The following LRRC46 variants were observed in gnomAD, a reference collection of about 807,000 sequenced individuals.
The protein encoded by LRRC46 is leucine rich repeat containing 46, also known as leucine-rich repeat-containing protein 46.
Under a neutral mutation model 28.0 loss-of-function variants are expected in LRRC46, and 20 were observed. The ratio of observed to expected loss-of-function variants is 0.71; its 90% confidence interval spans 0.50 to 1.04. The LOEUF (loss-of-function observed/expected upper bound fraction) is 1.04, where lower values mean the gene tolerates loss of function less well. Ranked by LOEUF, LRRC46 falls within the 50% of genes least tolerant of loss-of-function variation. The pLI, the probability that LRRC46 is intolerant of heterozygous loss-of-function variation, is 0.00. For missense variants in LRRC46, 315 were observed against 390.1 expected, an observed-to-expected ratio of 0.81 and a Z score of 1.62; for synonymous variants, 156 against 158.8, an observed-to-expected ratio of 0.98 and a Z score of 0.13.
Position 47,837,236 on chromosome 17 carries a change from C to A in LRRC46, c.*116C>A. 7.3e-7 allele frequency: 1 copy of A among 1,375,916 alleles called. No individual in the cohort carries two copies. Among genetic ancestry groups the A allele is most frequent in the Non-Finnish European group, 9.8e-7 (1 of 1,021,438 alleles). 85.2% of individuals were successfully genotyped at this position (1,375,916 alleles called of 1,614,324 possible). ...AAAGTGTCTCTAGGCCCTGAGTATG[C>A]TTTTCATGTCACTTGGGGTATCTCA... On this transcript the variant is annotated 3_prime_UTR_variant, in exon 8 of 8. Coordinates refer to ENST00000269025, the MANE Select transcript of LRRC46 (RefSeq NM_033413.4).
At position 47,831,862 on chromosome 17, in the gene LRRC46, C is replaced by T. The variant is rs1395615790; in HGVS notation, c.-128C>T. On this transcript the variant is annotated 5_prime_UTR_variant, in exon 1 of 8. Transcript: ENST00000269025. ...AATTTTCTCTGAATCAACCCCCTTT[C>T]CTCCTCTCCTAAGTCTCTGAGTTTC... 15 of 1,238,510 alleles carry T rather than the reference C, an allele frequency of 1.2e-5. No homozygotes were observed. Among genetic ancestry groups the T allele is most frequent in the Non-Finnish European group, 1.0e-5 (9 of 864,930 alleles). 76.7% of individuals were successfully genotyped at this position (1,238,510 alleles called of 1,614,324 possible).
At position 47,834,608 on chromosome 17, in the gene LRRC46, C is replaced by T. The variant is rs777236885; in HGVS notation, c.225+75C>T. On this transcript the variant is annotated intron_variant, in intron 3 of 7. Transcript: ENST00000269025. ...TCTGTCTCATCTGAAAGGAGCCAACCAGGTCATCCTGCCCATTCCCTGGTG... is the reference window on the plus strand; with the variant it reads ...TCTGTCTCATCTGAAAGGAGCCAACTAGGTCATCCTGCCCATTCCCTGGTG... The T allele has an allele frequency of 8.5e-6, 8 of 943,490 alleles. No homozygotes were observed. The African/African-American group carries it at 1.1e-4, about 13-fold the overall frequency. The allele number at this position is 943,490 out of a possible 1,614,324, so 58.4% of individuals were successfully genotyped here. A position where few individuals can be genotyped will look rare whatever the true frequency, so the allele number is the denominator to read the frequency against.
Position 47,836,414 on chromosome 17 carries a change from G to A in LRRC46, c.534G>A (p.Glu178=), listed in dbSNP as rs1466293575. ...TGGAGCGCTGGATTTCGGATGAGGA[G>A]GATGAAGCCTCAAGCGATGAGGAGT... ...PVVERWISDE[E]DEASSDEEFP... Residue 178 remains glutamate (E), a synonymous_variant, in exon 7 of 8, where the codon GAG becomes GAA. Coordinates refer to ENST00000269025, the MANE Select transcript of LRRC46 (RefSeq NM_033413.4). The surrounding 1 kb of genome is among the most constrained non-coding windows in gnomAD (Gnocchi z 5.8). 1.2e-6 allele frequency: 2 copies of A among 1,614,128 alleles called. No homozygotes were observed. The highest frequency in any genetic ancestry group is 4.5e-5 in the East Asian group (2 of 44,882).
At chr17:47,834,104 C>T (rs2033666727) in intron 2 of LRRC46, 3 of 1,038,150 alleles carry the variant, frequency 2.9e-6, no homozygotes, top group South Asian at 4.2e-5. Context: ...CCTCCACCAT[C>T]CAAGCTGGCC....
At chr17:47,835,221 G>A (rs2033679130) in intron 3 of LRRC46, 132 bp from the exon 4 acceptor site, 1 of 906,174 alleles carries the variant, frequency 1.1e-6, no homozygotes. Flanking sequence ...TGTTCAAGGA[G>A]TGGGGTGATC....
chr17:47,833,137 A>G (rs2033653929), intron 2 of LRRC46, among the ~76,000 whole-genome samples: 1 of 152,066 alleles, frequency 6.6e-6, no homozygotes, highest in Non-Finnish European at 1.5e-5. Context: ...ATTAGCATGT[A>G]CTATTCCTTC....
At position 47,837,058 on chromosome 17, in the gene LRRC46, A is replaced by C. The variant is rs775246771; in HGVS notation, c.904A>C (p.Lys302Gln). The change falls in exon 8 of 8, where the codon AAG becomes CAG. Residue 302 changes from lysine (K) to glutamine (Q), a missense_variant. By Grantham distance (53) the Lys-to-Gln change is moderately conservative. Transcript: ENST00000269025. Reference sequence around the variant, plus strand: ...GGGGGCACGAGCAGCCACAGCCCCCAAGGCCTCTGTGGCTGAGGCCCCCAG... The same window carrying C: ...GGGGGCACGAGCAGCCACAGCCCCCCAGGCCTCTGTGGCTGAGGCCCCCAG... ...RKGARAATAP[K>Q]ASVAEAPSTT... The C allele has an allele frequency of 6.2e-7, 1 of 1,608,000 alleles. No homozygotes were observed. Among genetic ancestry groups the C allele is most frequent in the Non-Finnish European group, 8.5e-7 (1 of 1,178,546 alleles).
chr17:47,831,958 C>A lies in LRRC46; in HGVS notation c.-32C>A. 1 of 1,612,836 alleles carries A rather than the reference C, an allele frequency of 6.2e-7. No homozygotes were observed. The highest frequency in any genetic ancestry group is 2.0e-4 in the Middle Eastern group (1 of 5,022). On this transcript the variant is annotated 5_prime_UTR_variant, in exon 1 of 8. Coordinates refer to ENST00000269025, the MANE Select transcript of LRRC46 (RefSeq NM_033413.4). Reference sequence around the variant, plus strand: ...AAGACCTCTCTTTTCGTTCCTCTCCCGCCTCAGACCAGCAGCCTTTTATTT... The same window carrying A: ...AAGACCTCTCTTTTCGTTCCTCTCCAGCCTCAGACCAGCAGCCTTTTATTT...
chr17:47,837,420 G>A lies in LRRC46; in HGVS notation c.*300G>A, dbSNP rs2033713073. The A allele has an allele frequency of 1.1e-5, 5 of 441,524 alleles. No homozygotes were observed. Among genetic ancestry groups the A allele is most frequent in the Non-Finnish European group, 2.0e-5 (5 of 250,388 alleles). 27.4% of individuals were successfully genotyped at this position (441,524 alleles called of 1,614,324 possible). A position where few individuals can be genotyped will look rare whatever the true frequency, so the allele number is the denominator to read the frequency against. On this transcript the variant is annotated 3_prime_UTR_variant, in exon 8 of 8. Coordinates refer to ENST00000269025, the MANE Select transcript of LRRC46 (RefSeq NM_033413.4). ...TGGCTCCCACTTGGGCAGGAAGCGG[G>A]CACCACCTCATGGAAGAGGCATGCC...
rs2143612176 is a variant in LRRC46 at position 47,836,215 on chromosome 17, ACCT to A, written c.453-114_453-112del. Reference sequence around the variant, plus strand: ...TCCTGTCCATGACACCTTCTCCCCCACCTCCTACCTAGCTCATGAGCCACCACC... The same window carrying A: ...TCCTGTCCATGACACCTTCTCCCCCACCTACCTAGCTCATGAGCCACCACC... On this transcript the variant is annotated intron_variant, in intron 6 of 7. Transcript: ENST00000269025. This position sits in a 1 kb window ranked among gnomAD's most constrained non-coding sequence, Gnocchi z 5.8. 1.9e-6 allele frequency: 3 copies of A among 1,571,262 alleles called. No homozygotes were observed. The highest frequency in any genetic ancestry group is 2.6e-6 in the Non-Finnish European group (3 of 1,145,492).
chr17:47,836,750 G>T lies in LRRC46; in HGVS notation c.596G>T (p.Gly199Val), dbSNP rs2033702443. 6.2e-7 allele frequency: 1 copy of T among 1,613,044 alleles called. No individual in the cohort carries two copies. The highest frequency in any genetic ancestry group is 2.2e-5 in the East Asian group (1 of 44,866). Residue 199 changes from glycine to valine, a missense_variant and splice_region_variant, in exon 8 of 8, where the codon GGC becomes GTC. By Grantham distance (109) the Gly-to-Val change is moderately radical. Transcript: ENST00000269025. The surrounding 1 kb of genome is among the most constrained non-coding windows in gnomAD (Gnocchi z 5.8). ...ACCCTCCACCCCCGGCCCCTCCCAG[G>T]CTTCCTCAAGGAGCTGGAGCAGGAG... ...ELSGPFCSER[G>V]FLKELEQELS...
Position 47,837,407 on chromosome 17 carries a change from G to T in LRRC46, c.*287G>T. 2.2e-6 allele frequency: 1 copy of T among 453,898 alleles called. No homozygotes were observed. Among genetic ancestry groups the T allele is most frequent in the Non-Finnish European group, 3.9e-6 (1 of 258,918 alleles). 28.1% of individuals were successfully genotyped at this position (453,898 alleles called of 1,614,324 possible). ...CCCGCTGGCTTCCTGGCTCCCACTT[G>T]GGCAGGAAGCGGGCACCACCTCATG... On this transcript the variant is annotated 3_prime_UTR_variant, in exon 8 of 8. Coordinates refer to ENST00000269025, the MANE Select transcript of LRRC46 (RefSeq NM_033413.4).
chr17:47,835,421 G>A (rs2033681988), intron 4 of LRRC46, 22 bp downstream of exon 4: 2 of 1,613,378 alleles, frequency 1.2e-6, no homozygotes, highest in African/African-American at 1.3e-5. Context: ...CAGGGCTCAG[G>A]CAGGGGAAGA....
chr17:47,835,994 A>T (rs915626264), intron 5 of LRRC46, 39 bp from the exon 6 acceptor site: 1 of 1,607,832 alleles, frequency 6.2e-7, no homozygotes, highest in African/African-American at 1.3e-5. Context: ...GGCTAAGATC[A>T]AGTGAGAACC....
chr17:47,834,772 TAGA>T, intron 3 of LRRC46: 1 of 380,310 alleles, frequency 2.6e-6, no homozygotes, highest in Non-Finnish European at 4.7e-6. Context: ...TCTCTTGATC[TAGA>T]AGTTCTTTTT....
At chr17:47,834,567 A>G (rs375397088) in intron 3 of LRRC46, 34 bp downstream of exon 3, 1 of 1,399,734 alleles carries the variant, frequency 7.1e-7, no homozygotes, top group South Asian at 1.2e-5. Context: ...CCTCCCCTTG[A>G]CCCCTGTGGA....
At chr17:47,835,841 C>T (rs1284586747) in intron 5 of LRRC46, 66 bp downstream of exon 5, 1 of 1,427,376 alleles carries the variant, frequency 7.0e-7, no homozygotes, top group African/African-American at 1.4e-5. Context: ...CCCTCTGCAC[C>T]CATCTGCCCA....
Position 47,837,197 on chromosome 17 carries a change from A to T in LRRC46, c.*77A>T. On this transcript the variant is annotated 3_prime_UTR_variant, in exon 8 of 8. Transcript: ENST00000269025. ...TCTCAGACCTCTGACCTGTGACAGA[A>T]GCCCATCCCCAGTAAAGTGTCTCTA... 1.3e-6 allele frequency: 2 copies of T among 1,556,660 alleles called. No homozygotes were observed. The highest frequency in any genetic ancestry group is 1.7e-6 in the Non-Finnish European group (2 of 1,158,058).
chr17:47,832,116 T>A lies in LRRC46; in HGVS notation c.27T>A (p.Gly9=). The change falls in exon 2 of 8, where the codon GGT becomes GGA. Residue 9 remains glycine (G), a synonymous_variant. Transcript: ENST00000269025. The part of the protein sequence containing the change: MSGGKSAQ[G]PEEGGVCITE... Reference sequence around the variant, plus strand: ...TTTTCACAGGGAAGTCAGCCCAGGGTCCAGAGGAAGGGGGCGTCTGCATCA... The same window carrying A: ...TTTTCACAGGGAAGTCAGCCCAGGGACCAGAGGAAGGGGGCGTCTGCATCA... 1.2e-6 allele frequency: 2 copies of A among 1,610,288 alleles called. No individual in the cohort carries two copies. Among genetic ancestry groups the A allele is most frequent in the Non-Finnish European group, 1.7e-6 (2 of 1,177,718 alleles).
Sources: gnomAD v4.1 joint callset for allele counts (sites outside exome capture counted in the v4.1 genomes callset) on GRCh38, gnomAD v4.1.1 for gene constraint, Gnocchi (gnomAD v3.1) non-coding constraint, MANE v1.5 for transcripts, NCBI Gene and HGNC (gene_info 2026-07-23, HGNC 2026-07-21) for gene names.